SGCZ: variants seen among roughly 807,000 people sequenced by gnomAD.
SGCZ encodes the protein zeta-sarcoglycan.
Under a neutral mutation model 41.3 loss-of-function variants are expected in SGCZ, and 40 were observed. The ratio of observed to expected loss-of-function variants is 0.97; its 90% CI spans 0.75 to 1.26. The LOEUF is 1.26. SGCZ is among the 50% of genes most tolerant of loss of function. The pLI, the probability that SGCZ is intolerant of heterozygous loss-of-function variation, is 0.00. For synonymous variants in SGCZ, 206 were observed against 137.5 expected (o/e 1.50, Z -3.49); for missense variants, 552 against 369.8 (o/e 1.49, Z -4.04).
At chr8:15,181,553 G>T (rs897748060) in intron 1 of SGCZ, among the ~76,000 whole-genome samples, 3 of 152,144 alleles carry the variant, frequency 2.0e-5, no homozygotes, top group Non-Finnish European at 4.4e-5. Flanking sequence ...AAACTGTAGT[G>T]TCAAGCAAAT....
chr8:14,692,261 A>C (rs1182988564), intron 1 of SGCZ, among the ~76,000 whole-genome samples: 16 of 152,078 alleles, frequency 1.1e-4, no homozygotes, highest in Non-Finnish European at 2.2e-4. Flanking sequence ...GAATAAAACC[A>C]ACCATAGGAT....
chr8:14,104,892 A>G (rs1039047022), intron 6 of SGCZ, among the ~76,000 whole-genome samples: 3 of 152,164 alleles, frequency 2.0e-5, no homozygotes, highest in Non-Finnish European at 2.9e-5. Flanking sequence ...TGGATTCTGT[A>G]AAATGAATTA....
rs182031705 is a variant in SGCZ at position 14,756,117 on chromosome 8, A to G, written c.40-201191T>C. ...GGTGGAAGCCAACAATATTGTAGAG[A>G]AATAAAGGATAGGCTGGGTTATGAC... On this transcript the variant is annotated intron_variant, in intron 1 of 7. Coordinates refer to ENST00000382080, the MANE Select transcript of SGCZ (RefSeq NM_139167.4). Among the ~76,000 whole-genome samples, 497 of 152,272 alleles carry G rather than the reference A, an allele frequency of 3.3e-3. 2 individuals are homozygous for G. The highest frequency in any genetic ancestry group is 4.7e-3 in the Admixed American group (72 of 15,286).
chr8:14,553,723 T>G (rs1300585117), intron 2 of SGCZ, among the ~76,000 whole-genome samples: 1 of 151,976 alleles, frequency 6.6e-6, no homozygotes, highest in Non-Finnish European at 1.5e-5. Flanking sequence ...TAAGAGTTAG[T>G]GAAGTCAGAA....
chr8:14,576,248 T>C (rs1804709222), intron 1 of SGCZ, among the ~76,000 whole-genome samples: 1 of 151,982 alleles, frequency 6.6e-6, no homozygotes, highest in South Asian at 2.1e-4. Context: ...ATACAGACAA[T>C]GTAAAGTGAA....
At chr8:15,232,728 T>C (rs1167606241) in intron 1 of SGCZ, among the ~76,000 whole-genome samples, 1 of 146,852 alleles carries the variant, frequency 6.8e-6, no homozygotes, top group Non-Finnish European at 1.5e-5. Flanking sequence ...TGTATATATA[T>C]ACATATATAT....
At chr8:14,869,242 G>C (rs755704210) in intron 1 of SGCZ, among the ~76,000 whole-genome samples, 1 of 152,234 alleles carries the variant, frequency 6.6e-6, no homozygotes, top group Middle Eastern at 3.4e-3. Context: ...TATCCACCAC[G>C]ATTAAGTTGA....
intron 4 of SGCZ, among the ~76,000 whole-genome samples, chr8:14,200,615 G>T (rs1293026717): frequency 2.0e-5 from 3 of 151,858 alleles, no homozygotes; most frequent in Non-Finnish European, 2.9e-5. Context: ...TTTTTTGTTT[G>T]TTTGTTTTGT....
At chr8:14,456,712 T>C (rs1487418131) in intron 2 of SGCZ, among the ~76,000 whole-genome samples, 1 of 152,086 alleles carries the variant, frequency 6.6e-6, no homozygotes, top group Admixed American at 6.6e-5. Context: ...TGGGATATAG[T>C]TTGAATATAT....
At position 14,876,420 on chromosome 8, in the gene SGCZ, G is replaced by C. The variant is rs141503475; in HGVS notation, c.40-321494C>G. Among the ~76,000 whole-genome samples the C allele has an allele frequency of 9.7e-4, 147 of 152,154 alleles. 1 individual carries two copies. The highest frequency in any genetic ancestry group is 3.3e-3 in the African/African-American group (136 of 41,520). The stretch of plus-strand genomic sequence containing the variant: ...AGACAAAACACCTCAAGTCAATTAC[G>C]TTACTTTCATTTTCAGAAACTAGAG... On this transcript the variant is annotated intron_variant, in intron 1 of 7. Transcript: ENST00000382080.
chr8:15,016,793 T>A (rs533092017), intron 1 of SGCZ, among the ~76,000 whole-genome samples: 1 of 152,290 alleles, frequency 6.6e-6, no homozygotes, highest in South Asian at 2.1e-4. Flanking sequence ...GGTGCCAGCA[T>A]CTGCTTCTGG....
chr8:14,498,360 A>T (rs1337241907), intron 2 of SGCZ, among the ~76,000 whole-genome samples: 1 of 152,152 alleles, frequency 6.6e-6, no homozygotes. Flanking sequence ...GGGTTCCTTC[A>T]GACTTAGAAT....
At chr8:14,275,388 G>A (rs909789531) in intron 3 of SGCZ, among the ~76,000 whole-genome samples, 17 of 152,186 alleles carry the variant, frequency 1.1e-4, no homozygotes, top group African/African-American at 3.9e-4. Context: ...AATAATTCAC[G>A]TATTTAATCT....
At chr8:14,449,157 A>G (rs73188383) in intron 2 of SGCZ, among the ~76,000 whole-genome samples, 1,927 of 152,280 alleles carry the variant, frequency 0.013, 23 homozygotes, top group East Asian at 0.074. Context: ...AAATGATTTT[A>G]CCAACCTTAT....
chr8:15,047,318 A>C (rs572682324), intron 1 of SGCZ, among the ~76,000 whole-genome samples: 1 of 152,040 alleles, frequency 6.6e-6, no homozygotes, highest in African/African-American at 2.4e-5. Flanking sequence ...GAATGTTTTC[A>C]TTTCCCAGAA....
intron 1 of SGCZ, among the ~76,000 whole-genome samples, chr8:14,929,730 G>T (rs151206051): frequency 6.6e-6 from 1 of 152,142 alleles, no homozygotes; most frequent in Non-Finnish European, 1.5e-5. Flanking sequence ...GCAGTGGTAT[G>T]AATGCAGGTT....
chr8:14,419,678 T>G (rs1339912138), intron 2 of SGCZ, among the ~76,000 whole-genome samples: 1 of 152,020 alleles, frequency 6.6e-6, no homozygotes, highest in African/African-American at 2.4e-5. Context: ...ATCATTCATT[T>G]CTATATTACC....
At position 14,085,280 on chromosome 8, in the gene SGCZ, A is replaced by G. The variant is rs1045168400; in HGVS notation, c.*5163T>C. On this transcript the variant is annotated 3_prime_UTR_variant, in exon 8 of 8. Coordinates refer to ENST00000382080, the MANE Select transcript of SGCZ (RefSeq NM_139167.4). ...TTTTTCATATATCTATATATACAAGAAAACATTTACATGAAAGTACAAAAC... is the reference window on the plus strand; with the variant it reads ...TTTTTCATATATCTATATATACAAGGAAACATTTACATGAAAGTACAAAAC... Among the ~76,000 whole-genome samples, 4 of 151,820 alleles carry G rather than the reference A, an allele frequency of 2.6e-5. No individual in the cohort carries two copies. The highest frequency in any genetic ancestry group is 9.7e-5 in the African/African-American group (4 of 41,426).
At chr8:15,198,905 G>C (rs1800814734) in intron 1 of SGCZ, among the ~76,000 whole-genome samples, 1 of 152,174 alleles carries the variant, frequency 6.6e-6, no homozygotes, top group Admixed American at 6.5e-5. Flanking sequence ...TCAAGGAAAA[G>C]CATAGGTTTG....
Sources: gnomAD v4.1 joint callset for allele counts (sites outside exome capture counted in the v4.1 genomes callset) on GRCh38, gnomAD v4.1.1 for gene constraint, MANE v1.5 for transcripts, NCBI Gene and HGNC (gene_info 2026-07-23, HGNC 2026-07-21) for gene names.